Variants in EMCN observed in about 807,000 individuals in gnomAD.
The protein encoded by EMCN is MUC-14.
Under a neutral mutation model 38.4 loss-of-function variants are expected in EMCN, and 37 were observed. That is an observed-to-expected ratio of 0.96 (90% CI 0.74 to 1.27). The LOEUF is 1.27. EMCN is among the 50% of genes most tolerant of loss of function. EMCN has a pLI of 0.00. For missense variants in EMCN, 318 were observed against 302.8 expected, an observed-to-expected ratio of 1.05 and a Z score of -0.37; for synonymous variants, 95 against 100.8, an observed-to-expected ratio of 0.94 and a Z score of 0.35.
intron 5 of EMCN, among the ~76,000 whole-genome samples, chr4:100,430,983 A>T (rs1349842174): frequency 6.6e-6 from 1 of 152,172 alleles, no homozygotes; most frequent in African/African-American, 2.4e-5. Context: ...TAGAAAACTT[A>T]AATAAACTAC....
rs140708857 is a variant in EMCN, at chr4:100,446,162, C to T, written c.415+1371G>A. The T allele has an allele frequency of 1.8e-3, 1,778 of 985,302 alleles. 8 individuals carry two copies. Among genetic ancestry groups the T allele is most frequent in the Middle Eastern group, 0.018 (34 of 1,914 alleles). The allele number at this position is 985,302 out of a possible 1,614,324, so 61.0% of individuals were successfully genotyped here. A position where few individuals can be genotyped will look rare whatever the true frequency, so the allele number is the denominator to read the frequency against. Reference sequence around the variant, plus strand: ...GAAGCAGAGGGAAAAAAATCTCTTCCCAGAACTGCATCAGTCTTCTCTGAC... The same window carrying T: ...GAAGCAGAGGGAAAAAAATCTCTTCTCAGAACTGCATCAGTCTTCTCTGAC... On this transcript the variant is annotated intron_variant, in intron 5 of 11. Transcript: ENST00000296420.
At chr4:100,507,119 G>A (rs1209192412) in intron 1 of EMCN, among the ~76,000 whole-genome samples, 2 of 152,102 alleles carry the variant, frequency 1.3e-5, no homozygotes, top group East Asian at 3.9e-4. Context: ...TAAATTTCTT[G>A]AGTACCCTAT....
chr4:100,475,659 C>CTTTTTTTTTT (rs869169290), intron 2 of EMCN, among the ~76,000 whole-genome samples: 1 of 60,318 alleles, frequency 1.7e-5, no homozygotes, highest in African/African-American at 8.4e-5. Flanking sequence ...AATTCTAGTC[C>CTTTTTTTTTT]TTTTTTTTTT....
intron 3 of EMCN, among the ~76,000 whole-genome samples, chr4:100,466,665 AG>A (rs1248583601): frequency 1.3e-5 from 2 of 152,186 alleles, no homozygotes; most frequent in Non-Finnish European, 2.9e-5. Context: ...TTAAATTGGG[AG>A]GAAAATATGT....
At chr4:100,462,337 T>C (rs59639045) in intron 4 of EMCN, among the ~76,000 whole-genome samples, 5,875 of 152,106 alleles carry the variant, frequency 0.039, 208 homozygotes, top group East Asian at 0.19. Flanking sequence ...AATACAACAG[T>C]CCCCAGAACT....
chr4:100,408,832 C>T (rs7688363), intron 11 of EMCN, among the ~76,000 whole-genome samples: 27,210 of 152,164 alleles, frequency 0.18, 2,643 homozygotes, highest in Middle Eastern at 0.3. Context: ...GGTTGCATTG[C>T]AGGCCCAAGC....
At chr4:100,436,107 A>G (rs1217978379) in intron 5 of EMCN, among the ~76,000 whole-genome samples, 2 of 152,250 alleles carry the variant, frequency 1.3e-5, no homozygotes, top group South Asian at 2.1e-4. Flanking sequence ...CAGAATAGGA[A>G]AAAATTTTTG....
intron 5 of EMCN, among the ~76,000 whole-genome samples, chr4:100,442,644 C>T (rs755782069): frequency 1.8e-4 from 28 of 152,006 alleles, no homozygotes; most frequent in Admixed American, 3.9e-4. Flanking sequence ...TGATTGATCT[C>T]GTCTGCTCTT....
chr4:100,450,342 C>A (rs545985265), intron 4 of EMCN, among the ~76,000 whole-genome samples: 5 of 152,000 alleles, frequency 3.3e-5, no homozygotes, highest in African/African-American at 1.2e-4. Context: ...TCACATTAAT[C>A]CAACGTTAAA....
intron 5 of EMCN, among the ~76,000 whole-genome samples, chr4:100,430,619 C>T (rs1045361346): frequency 1.3e-5 from 2 of 152,128 alleles, no homozygotes; most frequent in Non-Finnish European, 2.9e-5. Flanking sequence ...GATTGCTGGG[C>T]AGCTCACCAG....
intron 7 of EMCN, among the ~76,000 whole-genome samples, chr4:100,422,725 G>T (rs895876639): frequency 6.6e-6 from 1 of 151,584 alleles, no homozygotes; most frequent in Non-Finnish European, 1.5e-5. Context: ...AGTCATCCTT[G>T]GCCCTTGATC....
intron 5 of EMCN, among the ~76,000 whole-genome samples, chr4:100,425,184 C>CACA (rs1263607280): frequency 2.0e-5 from 3 of 151,512 alleles, no homozygotes; most frequent in Non-Finnish European, 4.4e-5. Flanking sequence ...CACACACACA[C>CACA]AATTACTGCT....
At chr4:100,515,847 C>T (rs942991112) in intron 1 of EMCN, among the ~76,000 whole-genome samples, 8 of 151,832 alleles carry the variant, frequency 5.3e-5, no homozygotes, top group African/African-American at 1.9e-4. Context: ...AACAAACAAA[C>T]AAACAAACAA....
At chr4:100,516,154 G>C (rs894274309) in intron 1 of EMCN, among the ~76,000 whole-genome samples, 5 of 152,116 alleles carry the variant, frequency 3.3e-5, no homozygotes, top group Non-Finnish European at 5.9e-5. Context: ...ACTGTTAACA[G>C]GTTGAGCTCA....
chr4:100,485,816 A>G (rs1728926686), intron 1 of EMCN, among the ~76,000 whole-genome samples: 1 of 151,972 alleles, frequency 6.6e-6, no homozygotes, highest in African/African-American at 2.4e-5. Flanking sequence ...AATGCAGCAA[A>G]TTTTTTCAGT....
intron 2 of EMCN, among the ~76,000 whole-genome samples, chr4:100,475,706 C>A (rs1452273056): frequency 9.1e-6 from 1 of 109,698 alleles, no homozygotes; most frequent in Admixed American, 1.4e-4. Context: ...GAGACAGAAT[C>A]TCGCTCTGTC....
At position 100,479,915 on chromosome 4, in the gene EMCN, A is replaced by G. The variant is rs760600466; in HGVS notation, c.187+2T>C. ...ACTAAATTTACTAACAGTTAATCCT[A>G]CCTTTAGGAGTTGTTCCAGTTGTTG... On this transcript the variant is annotated splice_donor_variant, in intron 2 of 11. Transcript: ENST00000296420. LOFTEE classifies it high-confidence loss of function. 4.4e-6 allele frequency: 7 copies of G among 1,603,858 alleles called. No individual in the cohort carries two copies. The highest frequency in any genetic ancestry group is 3.4e-4 in the Middle Eastern group (2 of 5,870).
chr4:100,489,558 A>G (rs1366056846), intron 1 of EMCN, among the ~76,000 whole-genome samples: 1 of 152,206 alleles, frequency 6.6e-6, no homozygotes, highest in Non-Finnish European at 1.5e-5. Flanking sequence ...TTGCAGTACA[A>G]TGCATTACTG....
intron 10 of EMCN, among the ~76,000 whole-genome samples, chr4:100,412,661 A>G (rs949418485): frequency 2.0e-5 from 3 of 152,182 alleles, no homozygotes; most frequent in African/African-American, 7.2e-5. Flanking sequence ...ATATGTTCTT[A>G]TGAAGGACTC....
Sources: gnomAD v4.1 joint callset for allele counts (sites outside exome capture counted in the v4.1 genomes callset) on GRCh38, gnomAD v4.1.1 for gene constraint, MANE v1.5 for transcripts, NCBI Gene and HGNC (gene_info 2026-07-23, HGNC 2026-07-21) for gene names.